TRAPPC3: variants seen among roughly 807,000 people sequenced by gnomAD.
The protein encoded by TRAPPC3 is trafficking protein particle complex 3.
A neutral mutation model predicts 18.2 loss-of-function variants in TRAPPC3; 5 were observed. The observed-to-expected ratio is 0.28, with a 90% CI of 0.14 to 0.58. The LOEUF is 0.58. Among genes scored for constraint, TRAPPC3 ranks in the 20% least tolerant of loss-of-function variants. TRAPPC3 has a pLI of 0.91. For missense variants in TRAPPC3, 176 were observed against 225.9 expected (o/e 0.78, Z 1.41); for synonymous variants, 65 against 84.2 (o/e 0.77, Z 1.25).
In TRAPPC3 at chr1:36,137,175, G is replaced by A. The variant is rs1330580372; in HGVS notation, c.*28C>T. 1 of 1,595,224 alleles carries A rather than the reference G, an allele frequency of 6.3e-7. No individual in the cohort carries two copies. The highest frequency in any genetic ancestry group is 8.6e-7 in the Non-Finnish European group (1 of 1,164,280). On this transcript the variant is annotated 3_prime_UTR_variant, in exon 5 of 5. Transcript: ENST00000373166. ...GCCTGCTGATTCCAACAGTGCTCCT[G>A]ATGGCTATCCTCGAGTTGTAGGGAT... is the stretch of plus-strand genomic sequence containing the variant.
At chr1:36,149,531 A>AGTCCC, upstream of TRAPPC3, 1 of 976,910 alleles carries the variant, frequency 1.0e-6, no homozygotes, top group Non-Finnish European at 1.5e-6. Flanking sequence ...CCACGGGACT[A>AGTCCC]GTGGTCCGGC....
rs913419027 is a variant in TRAPPC3 at position 36,140,151 on chromosome 1, T to G, written c.58A>C (p.Thr20Pro). 3 of 1,596,568 alleles carry G rather than the reference T, an allele frequency of 1.9e-6. No individual in the cohort carries two copies. The highest frequency in any genetic ancestry group is 2.6e-6 in the Non-Finnish European group (3 of 1,175,026). ...GTGACCAGGGCACCATAGGTCAGGG[T>G]GAAGAGCTCAGAGCTCTAAAAGAGA... Reference protein sequence around the residue: ...ESKKMSSELFTLTYGALVTQL... With the variant: ...ESKKMSSELFPLTYGALVTQL... Residue 20 changes from threonine (T) to proline (P), a missense_variant, in exon 2 of 5, where the codon ACC (threonine) becomes CCC (proline). Transcript: ENST00000373166.
intron 1 of TRAPPC3, 44 bp from the exon 2 acceptor site, chr1:36,140,210 G>C (rs372007648): frequency 3.2e-5 from 42 of 1,317,536 alleles, no homozygotes; most frequent in Non-Finnish European, 1.7e-5. Flanking sequence ...CAGCACAAAA[G>C]AGAAAGCGTG....
In TRAPPC3 at chr1:36,137,483, A is replaced by C. The variant is rs1644042387; in HGVS notation, c.424-161T>G. On this transcript the variant is annotated intron_variant, in intron 4 of 4. Transcript: ENST00000373166. ...GCGCCAACATTCTGTTGCATAAGAC[A>C]ATGGCTCCAACCCTTAAGGAGAAAC... 5.6e-6 allele frequency: 4 copies of C among 715,226 alleles called. No individual in the cohort carries two copies. The Admixed American group carries it at 1.2e-4, about 21-fold the overall frequency. 44.3% of individuals were successfully genotyped at this position (715,226 alleles called of 1,614,324 possible). A position where few individuals can be genotyped will look rare whatever the true frequency, so the allele number is the denominator to read the frequency against.
chr1:36,143,947 A>G (rs1374682545), intron 1 of TRAPPC3, among the ~76,000 whole-genome samples: 3 of 152,222 alleles, frequency 2.0e-5, no homozygotes, highest in Non-Finnish European at 4.4e-5. Flanking sequence ...GCAGGTACTC[A>G]AGAAATACAT....
intron 3 of TRAPPC3, chr1:36,138,288 T>C: frequency 6.5e-7 from 1 of 1,533,060 alleles, no homozygotes; most frequent in Non-Finnish European, 8.7e-7. Context: ...TACTTCTCAG[T>C]GGAAGGGAGC....
intron 1 of TRAPPC3, among the ~76,000 whole-genome samples, chr1:36,142,895 G>T (rs1347416235): frequency 6.6e-6 from 1 of 151,984 alleles, no homozygotes; most frequent in Non-Finnish European, 1.5e-5. Context: ...AGCCAGGCAT[G>T]GTGGTGGATG....
intron 1 of TRAPPC3, chr1:36,155,439 T>A (rs1644309619): frequency 1.3e-5 from 2 of 149,016 alleles, no homozygotes; most frequent in African/African-American, 4.9e-5. Context: ...CTGGGGTGAT[T>A]GGCGGGGTCG....
chr1:36,142,326 A>G (rs3767707), intron 1 of TRAPPC3, among the ~76,000 whole-genome samples: 11,322 of 152,186 alleles, frequency 0.074, 1,020 homozygotes, highest in East Asian at 0.26. Flanking sequence ...TGGCACTAGA[A>G]TGGTTTGAGC....
upstream of TRAPPC3, among the ~76,000 whole-genome samples, chr1:36,152,929 C>T (rs1020076687): frequency 1.1e-4 from 16 of 152,158 alleles, no homozygotes; most frequent in African/African-American, 3.6e-4. Context: ...TGGGATTAGG[C>T]GTGAGCCACT....
At chr1:36,152,021 G>A (rs1379467294), upstream of TRAPPC3, among the ~76,000 whole-genome samples, 1 of 151,590 alleles carries the variant, frequency 6.6e-6, no homozygotes, top group Non-Finnish European at 1.5e-5. Context: ...CTGGGGCAGT[G>A]CCTTGAGGCT....
At chr1:36,141,155 CA>C (rs1000836301) in intron 1 of TRAPPC3, among the ~76,000 whole-genome samples, 1 of 86,176 alleles carries the variant, frequency 1.2e-5, no homozygotes, top group East Asian at 2.5e-4. Flanking sequence ...AAGACTCTGT[CA>C]AAAAAAAAAG....
chr1:36,149,404 C>A lies in TRAPPC3; in HGVS notation c.-26G>T. The stretch of plus-strand genomic sequence containing the variant: ...GGTGCCGGCCGCCCCGCCCCACTCG[C>A]CTAGCCACGGGTTAGCTCGGCGACC... On this transcript the variant is annotated 5_prime_UTR_variant, in exon 1 of 5. Coordinates refer to ENST00000373166, the MANE Select transcript of TRAPPC3 (RefSeq NM_014408.5). 7 of 1,612,096 alleles carry A rather than the reference C, an allele frequency of 4.3e-6. No individual in the cohort carries two copies. In the South Asian group the frequency reaches 7.7e-5, roughly 18 times the overall value.
chr1:36,137,178 G>A lies in TRAPPC3; in HGVS notation c.*25C>T. 6.3e-7 allele frequency: 1 copy of A among 1,596,120 alleles called. No individual in the cohort carries two copies. Among genetic ancestry groups the A allele is most frequent in the South Asian group, 1.1e-5 (1 of 90,582 alleles). Reference sequence around the variant, plus strand: ...TGCTGATTCCAACAGTGCTCCTGATGGCTATCCTCGAGTTGTAGGGATGGT... The same window carrying A: ...TGCTGATTCCAACAGTGCTCCTGATAGCTATCCTCGAGTTGTAGGGATGGT... On this transcript the variant is annotated 3_prime_UTR_variant, in exon 5 of 5. Transcript: ENST00000373166.
At chr1:36,145,524 G>A (rs551980718) in intron 1 of TRAPPC3, among the ~76,000 whole-genome samples, 64 of 152,266 alleles carry the variant, frequency 4.2e-4, no homozygotes, top group Non-Finnish European at 7.5e-4. Flanking sequence ...CCTGAGCTCA[G>A]GGGAATAGAC....
intron 3 of TRAPPC3, among the ~76,000 whole-genome samples, chr1:36,138,719 T>C (rs534486524): frequency 6.6e-6 from 1 of 152,278 alleles, no homozygotes; most frequent in African/African-American, 2.4e-5. Flanking sequence ...GTAGCTCTTA[T>C]TTTCTTCATG....
chr1:36,138,849 G>A (rs1283953067), intron 3 of TRAPPC3, among the ~76,000 whole-genome samples: 1 of 151,842 alleles, frequency 6.6e-6, no homozygotes, highest in African/African-American at 2.4e-5. Context: ...TGACCAACAT[G>A]GAGAAACCCC....
upstream of TRAPPC3, among the ~76,000 whole-genome samples, chr1:36,150,755 G>A (rs1337668515): frequency 1.3e-5 from 2 of 152,216 alleles, no homozygotes; most frequent in Non-Finnish European, 2.9e-5. Context: ...ACAGGGGAGG[G>A]AGCCAAGGGC....
At chr1:36,150,056 C>G (rs1349018379), upstream of TRAPPC3, among the ~76,000 whole-genome samples, 2 of 152,140 alleles carry the variant, frequency 1.3e-5, no homozygotes, top group Non-Finnish European at 2.9e-5. Context: ...GATGGAATAT[C>G]CAGTCTTTTA....
Sources: allele counts gnomAD v4.1 joint callset (sites outside exome capture counted in the v4.1 genomes callset), GRCh38; gene constraint gnomAD v4.1.1; transcripts MANE v1.5; gene names NCBI Gene and HGNC (gene_info 2026-07-23, HGNC 2026-07-21).